The following ABHD12B variants were observed in gnomAD, a reference collection of about 807,000 sequenced individuals.
The protein encoded by ABHD12B is protein ABHD12B.
ABHD12B carries 42 observed loss-of-function variants against 50.4 expected under a neutral mutation model. That is an observed-to-expected ratio of 0.83 (90% CI 0.65 to 1.08). The LOEUF (loss-of-function observed/expected upper bound fraction) is 1.08. Ranked by LOEUF, ABHD12B falls within the 50% of genes least tolerant of loss-of-function variation. ABHD12B has a pLI of 0.00. For synonymous variants in ABHD12B, 167 were observed against 160.3 expected, an observed-to-expected ratio of 1.04 and a Z score of -0.32; for missense variants, 479 against 447.7, an observed-to-expected ratio of 1.07 and a Z score of -0.63.
At chr14:50,897,319 C>T (rs1051638140) in intron 9 of ABHD12B, among the ~76,000 whole-genome samples, 1 of 152,178 alleles carries the variant, frequency 6.6e-6, no homozygotes, top group East Asian at 1.9e-4. Context: ...GGTGATCCAC[C>T]TGCCTCAGCC....
intron 8 of ABHD12B, among the ~76,000 whole-genome samples, chr14:50,888,442 T>C (rs1052937251): frequency 1.1e-3 from 166 of 152,274 alleles, no homozygotes; most frequent in African/African-American, 3.8e-3. Context: ...GACCTCGTGA[T>C]CCGCCTGCCG....
In ABHD12B at chr14:50,899,479, T is replaced by C. The variant is rs1005918831; in HGVS notation, c.781-2350T>C. On this transcript the variant is annotated intron_variant, in intron 9 of 12. Transcript: ENST00000337334. ...CCATGGGGCAAGTTTTAATTTCTTT[T>C]TCTTTTTAAAAAATTGTGAAGCAGA... Among the ~76,000 whole-genome samples, 4 of 152,364 alleles carry C rather than the reference T, an allele frequency of 2.6e-5. No individual in the cohort carries two copies. The South Asian group carries it at 6.2e-4, about 24-fold the overall frequency.
At chr14:50,884,022 T>C (rs1021320622) in intron 5 of ABHD12B, among the ~76,000 whole-genome samples, 5 of 16,698 alleles carry the variant, frequency 3.0e-4, no homozygotes, top group Non-Finnish European at 9.1e-4. Flanking sequence ...CATTCTTCCA[T>C]GTTTTCACAG....
At chr14:50,903,232 A>G (rs1407651235) in intron 10 of ABHD12B, among the ~76,000 whole-genome samples, 157 bp from the exon 11 acceptor site, 1 of 152,170 alleles carries the variant, frequency 6.6e-6, no homozygotes, top group East Asian at 1.9e-4. Flanking sequence ...ACTATGTGAA[A>G]TTTTTAAATG....
At chr14:50,881,458 C>T (rs111409498) in intron 4 of ABHD12B, 138 bp from the exon 5 acceptor site, 9,391 of 835,366 alleles carry the variant, frequency 0.011, 82 homozygotes, top group Middle Eastern at 0.017. Flanking sequence ...TTCCCCTTCT[C>T]CTAGTTATTT....
intron 3 of ABHD12B, among the ~76,000 whole-genome samples, chr14:50,879,080 C>T (rs2049902773): frequency 6.6e-6 from 1 of 152,224 alleles, no homozygotes. Context: ...CCCATCCCTT[C>T]TGCCTTATTC....
Position 50,903,441 on chromosome 14 carries a change from A to G in ABHD12B, c.916A>G (p.Thr306Ala), listed in dbSNP as rs139100351. ...CATCTTACATGGAGAGGATGACAGG[A>G]CAGTGCCTTTGGAGTATGGGAAAAA... is the stretch of plus-strand genomic sequence containing the variant. ...LLILHGEDDR[T>A]VPLEYGKKLY... is the part of the protein sequence containing the mutation. The change falls in exon 11 of 13, where the codon ACA becomes GCA. Residue 306 changes from threonine (T) to alanine (A), a missense_variant. Physicochemically the swap from Thr to Ala is moderately conservative, Grantham distance 58. Coordinates refer to ENST00000337334, the MANE Select transcript of ABHD12B (RefSeq NM_001206673.2). 1 of 1,612,892 alleles carries G rather than the reference A, an allele frequency of 6.2e-7. No homozygotes were observed.
At chr14:50,872,391 C>A in intron 1 of ABHD12B, 113 bp downstream of exon 1, 1 of 757,542 alleles carries the variant, frequency 1.3e-6, no homozygotes, top group Non-Finnish European at 1.8e-6. Flanking sequence ...TGGCCCGGGC[C>A]CAAGGCCCAG....
intron 5 of ABHD12B, among the ~76,000 whole-genome samples, chr14:50,881,997 A>G (rs1354563747): frequency 2.7e-5 from 4 of 146,164 alleles, no homozygotes; most frequent in African/African-American, 1.0e-4. Flanking sequence ...GTGCAGTGGC[A>G]TGATCTCCAC....
chr14:50,885,532 T>C (rs1381488269), intron 5 of ABHD12B, 82 bp from the exon 6 acceptor site: 2 of 1,510,206 alleles, frequency 1.3e-6, no homozygotes, highest in Non-Finnish European at 1.8e-6. Context: ...CCTTGTGATG[T>C]GATATGGATG....
In ABHD12B at chr14:50,902,266, T is replaced by C. The variant is rs150520565; in HGVS notation, c.863+355T>C. Among the ~76,000 whole-genome samples the C allele has an allele frequency of 2.4e-3, 364 of 152,246 alleles. 1 individual carries two copies. The highest frequency in any genetic ancestry group is 4.1e-3 in the Non-Finnish European group (278 of 68,020). On this transcript the variant is annotated intron_variant, in intron 10 of 12. Coordinates refer to ENST00000337334, the MANE Select transcript of ABHD12B (RefSeq NM_001206673.2). ...GGGAGGCTGAAGTGAGAGGATAGCTTGAGCCCAGAAGTTTGAAACCAGCCC... is the reference window on the plus strand; with the variant it reads ...GGGAGGCTGAAGTGAGAGGATAGCTCGAGCCCAGAAGTTTGAAACCAGCCC...
chr14:50,878,240 A>G (rs1009531994), intron 2 of ABHD12B, among the ~76,000 whole-genome samples, 161 bp downstream of exon 2: 3 of 152,214 alleles, frequency 2.0e-5, no homozygotes, highest in African/African-American at 7.2e-5. Context: ...GAAGTCTAGC[A>G]GGAATCCTTG....
Position 50,886,701 on chromosome 14 carries a change from A to C in ABHD12B, c.700+17A>C, listed in dbSNP as rs1486762456. On this transcript the variant is annotated intron_variant, in intron 8 of 12. Coordinates refer to ENST00000337334, the MANE Select transcript of ABHD12B (RefSeq NM_001206673.2). ...AAGAAAAAGGTAATATAAAATGCTTAAGTGGTATAATTTCCCATCTTCAGA... is the reference window on the plus strand; with the variant it reads ...AAGAAAAAGGTAATATAAAATGCTTCAGTGGTATAATTTCCCATCTTCAGA... The C allele has an allele frequency of 6.2e-7, 1 of 1,601,704 alleles. No individual in the cohort carries two copies. The highest frequency in any genetic ancestry group is 2.2e-5 in the East Asian group (1 of 44,830).
chr14:50,883,466 G>C (rs901929137), intron 5 of ABHD12B, among the ~76,000 whole-genome samples: 1 of 152,246 alleles, frequency 6.6e-6, no homozygotes, highest in South Asian at 2.1e-4. Context: ...GCTGGGTGCA[G>C]TGTTGCCCAG....
chr14:50,876,502 T>G (rs2049865594), intron 1 of ABHD12B, among the ~76,000 whole-genome samples: 1 of 152,214 alleles, frequency 6.6e-6, no homozygotes, highest in South Asian at 2.1e-4. Context: ...GGGACCCTGC[T>G]GAGAGGGCTA....
At chr14:50,877,116 C>T (rs1465312009) in intron 1 of ABHD12B, among the ~76,000 whole-genome samples, 4 of 152,128 alleles carry the variant, frequency 2.6e-5, no homozygotes, top group Admixed American at 2.6e-4. Context: ...GTGCATGCGC[C>T]CATCCCACTC....
At chr14:50,883,517 T>G (rs1397235721) in intron 5 of ABHD12B, among the ~76,000 whole-genome samples, 1 of 152,256 alleles carries the variant, frequency 6.6e-6, no homozygotes, top group Admixed American at 6.5e-5. Flanking sequence ...CTTTCCCCTC[T>G]GCACCCTGCC....
intron 9 of ABHD12B, among the ~76,000 whole-genome samples, chr14:50,896,179 A>G (rs1261979398): frequency 2.6e-5 from 4 of 152,246 alleles, no homozygotes; most frequent in African/African-American, 7.2e-5. Flanking sequence ...GTCCTGCAGC[A>G]TGCTTTAAAA....
Position 50,878,065 on chromosome 14 carries a change from T to G in ABHD12B, c.218T>G (p.Ile73Ser). The G allele has an allele frequency of 6.5e-7, 1 of 1,527,074 alleles. No homozygotes were observed. The highest frequency in any genetic ancestry group is 8.7e-7 in the Non-Finnish European group (1 of 1,144,024). 94.6% of individuals were successfully genotyped at this position (1,527,074 alleles called of 1,614,324 possible). Residue 73 changes from isoleucine (I) to serine (S), a missense_variant, in exon 2 of 13, where the codon ATT becomes AGT. Ile to Ser is a moderately radical substitution (Grantham distance 142). Transcript: ENST00000337334. ...TTCCTTCCTCTGATAGACATGCTAATTTATTTTAATTTTTGTAAGTATGGA... is the reference window on the plus strand; with the variant it reads ...TTCCTTCCTCTGATAGACATGCTAAGTTATTTTAATTTTTGTAAGTATGGA... ...HVFLPLIDML[I>S]YFNFFKAPFL... is the part of the protein sequence containing the mutation.
Sources: allele counts gnomAD v4.1 joint callset (sites outside exome capture counted in the v4.1 genomes callset), GRCh38; gene constraint gnomAD v4.1.1; transcripts MANE v1.5; gene names NCBI Gene and HGNC (gene_info 2026-07-23, HGNC 2026-07-21).